The following KAZN variants were observed in gnomAD, a reference collection of about 807,000 sequenced individuals.
KAZN encodes kazrin.
KAZN carries 40 observed loss-of-function variants against 87.4 expected under a neutral mutation model. That is an observed-to-expected ratio of 0.46 (90% CI 0.36 to 0.60). KAZN has a LOEUF of 0.60. Among genes scored for constraint, KAZN ranks in the 20% least tolerant of loss-of-function variants. The pLI, the probability that KAZN is intolerant of heterozygous loss-of-function variation, is 0.00. For synonymous variants in KAZN, 466 were observed against 458.3 expected (o/e 1.02, Z -0.22); for missense variants, 898 against 1,073.9 (o/e 0.84, Z 2.29).
At chr1:14,459,256 T>C (rs34872267) in intron 2 of KAZN, among the ~76,000 whole-genome samples, 54,494 of 151,004 alleles carry the variant, frequency 0.36, 10,077 homozygotes, top group Middle Eastern at 0.51. Flanking sequence ...ATGGTGTGTG[T>C]GCGCGTGTGT....
At chr1:14,750,250 A>G (rs534595247) in intron 1 of KAZN, among the ~76,000 whole-genome samples, 1 of 115,304 alleles carries the variant, frequency 8.7e-6, no homozygotes, top group East Asian at 2.2e-4. Context: ...ATTTTGAGAC[A>G]GTATTCATGG....
chr1:13,989,247 C>A (rs923961818), intron 1 of KAZN, among the ~76,000 whole-genome samples: 22 of 152,028 alleles, frequency 1.4e-4, no homozygotes, highest in African/African-American at 5.3e-4. Context: ...CCAATGTAGG[C>A]TTTTGGGGGG....
intron 2 of KAZN, among the ~76,000 whole-genome samples, chr1:14,475,205 G>T (rs1473148017): frequency 6.6e-6 from 1 of 152,114 alleles, no homozygotes; most frequent in African/African-American, 2.4e-5. Flanking sequence ...GGTGATGTGT[G>T]GGTGATGAAG....
At chr1:14,948,894 T>C (rs192295528) in intron 1 of KAZN, among the ~76,000 whole-genome samples, 14 of 152,256 alleles carry the variant, frequency 9.2e-5, no homozygotes, top group Non-Finnish European at 1.8e-4. Flanking sequence ...TGGTGGCTCA[T>C]GCCTGTAATC....
intron 1 of KAZN, among the ~76,000 whole-genome samples, chr1:14,017,171 C>T (rs59455849): frequency 2.0e-4 from 30 of 152,232 alleles, no homozygotes; most frequent in African/African-American, 6.3e-4. Context: ...TTCTCAATGA[C>T]GTTCTGCCAA....
At position 15,031,553 on chromosome 1, in the gene KAZN, GTGTGTTGTGTTGTGTTGTGTTGTGT is replaced by G. The variant is rs139569205; in HGVS notation, c.419-3173_419-3149del. ...TGCTGCTTCCAGGCAGCTACTCAGGGTGTGTTGTGTTGTGTTGTGTTGTGTTGTGTTGTGTTGTGTTGTGTTGGTT... is the reference window on the plus strand; with the variant it reads ...TGCTGCTTCCAGGCAGCTACTCAGGGTGTGTTGTGTTGTGTTGTGTTGGTT... On this transcript the variant is annotated intron_variant, in intron 2 of 14. Transcript: ENST00000376030. 2.7e-5 allele frequency among the ~76,000 whole-genome samples: 4 copies of G among 146,384 alleles called. No homozygotes were observed. In the South Asian group the frequency reaches 6.9e-4, roughly 25 times the overall value.
chr1:14,545,195 C>T (rs540852457), intron 2 of KAZN, among the ~76,000 whole-genome samples: 1 of 152,368 alleles, frequency 6.6e-6, no homozygotes, highest in Admixed American at 6.5e-5. Context: ...AGCTCCCCAA[C>T]CATTCTTTTG....
chr1:14,611,840 G>C (rs533273394), intron 1 of KAZN, among the ~76,000 whole-genome samples: 44 of 152,226 alleles, frequency 2.9e-4, no homozygotes, highest in African/African-American at 9.9e-4. Context: ...GTGGAAGTTG[G>C]CAAACTTTTT....
chr1:14,671,621 C>G (rs902911905), intron 1 of KAZN, among the ~76,000 whole-genome samples: 1 of 152,146 alleles, frequency 6.6e-6, no homozygotes, highest in African/African-American at 2.4e-5. Flanking sequence ...AATTTCCCCC[C>G]GTGGGCAAAG....
rs949738845 is a variant in KAZN, at chr1:15,056,049, C to T, written c.727-42C>T. On this transcript the variant is annotated intron_variant, in intron 4 of 14. Coordinates refer to ENST00000376030, the MANE Select transcript of KAZN (RefSeq NM_201628.3). This position sits in a 1 kb window ranked among gnomAD's most constrained non-coding sequence, Gnocchi z 5.4. ...GCCAAGCAGCTGGCCAAGAGTTCCC[C>T]TTGATCATGACTTCTTCTTCCTGTC... The T allele has an allele frequency of 2.6e-6, 4 of 1,567,212 alleles. No homozygotes were observed. The East Asian group carries it at 9.1e-5, about 36-fold the overall frequency.
chr1:14,239,108 T>G (rs1429372806), intron 2 of KAZN, among the ~76,000 whole-genome samples: 1 of 152,228 alleles, frequency 6.6e-6, no homozygotes, highest in African/African-American at 2.4e-5. Context: ...TGTTCTCCAG[T>G]CAAAAAGAAA....
chr1:14,130,157 A>C (rs1305796440), intron 1 of KAZN, among the ~76,000 whole-genome samples: 1 of 152,292 alleles, frequency 6.6e-6, no homozygotes, highest in South Asian at 2.1e-4. Context: ...TTGGGCCAAA[A>C]ATGTTAAGGG....
chr1:14,881,727 A>G (rs1653360015), intron 1 of KAZN, among the ~76,000 whole-genome samples: 1 of 152,214 alleles, frequency 6.6e-6, no homozygotes, highest in African/African-American at 2.4e-5. Context: ...ACCACTTCCC[A>G]GCCAGAAGAC....
chr1:15,015,852 G>A (rs1393439369), intron 2 of KAZN, among the ~76,000 whole-genome samples: 2 of 152,102 alleles, frequency 1.3e-5, no homozygotes, highest in Admixed American at 1.3e-4. Context: ...AACCCTGACC[G>A]GCCTACCTGT....
intron 2 of KAZN, among the ~76,000 whole-genome samples, chr1:14,460,097 T>C (rs539678581): frequency 6.6e-6 from 1 of 152,318 alleles, no homozygotes; most frequent in Admixed American, 6.5e-5. Flanking sequence ...GGAAGGTGTT[T>C]GGATGCCCAA....
At chr1:14,580,740 C>T (rs1675496819) in intron 2 of KAZN, among the ~76,000 whole-genome samples, 2 of 152,146 alleles carry the variant, frequency 1.3e-5, no homozygotes, top group African/African-American at 2.4e-5. Context: ...ACTTACTCCT[C>T]CCAACCACCC....
intron 1 of KAZN, among the ~76,000 whole-genome samples, chr1:14,649,180 G>T (rs1348347433): frequency 6.6e-6 from 1 of 152,208 alleles, no homozygotes; most frequent in Non-Finnish European, 1.5e-5. Context: ...GTAAAGATTT[G>T]TTCTCTTCCC....
At chr1:14,055,421 C>A (rs965311064) in intron 1 of KAZN, among the ~76,000 whole-genome samples, 9 of 152,244 alleles carry the variant, frequency 5.9e-5, no homozygotes, top group Admixed American at 4.6e-4. Context: ...TGTTGGGAAG[C>A]CTTGGGATAT....
chr1:13,923,519 G>A (rs943132245), intron 1 of KAZN, among the ~76,000 whole-genome samples: 3 of 146,452 alleles, frequency 2.0e-5, no homozygotes, highest in Non-Finnish European at 4.4e-5. Flanking sequence ...CTTGCAGTGA[G>A]CCGAGATCGC....
Sources: allele counts gnomAD v4.1 joint callset (sites outside exome capture counted in the v4.1 genomes callset), GRCh38; gene constraint gnomAD v4.1.1; non-coding constraint Gnocchi (gnomAD v3.1); transcripts MANE v1.5; gene names NCBI Gene and HGNC (gene_info 2026-07-23, HGNC 2026-07-21).